SIM1: variants seen among roughly 807,000 people sequenced by gnomAD.
SIM1 encodes SIM bHLH transcription factor 1.
Under a neutral mutation model 78.2 loss-of-function variants are expected in SIM1, and 18 were observed. The observed-to-expected ratio is 0.23, with a 90% CI of 0.16 to 0.34. The LOEUF is 0.34. Among genes scored for constraint, SIM1 ranks in the 10% least tolerant of loss-of-function variants. The pLI is 1.00. For missense variants in SIM1, 939 were observed against 975.1 expected, an observed-to-expected ratio of 0.96 and a Z score of 0.49; for synonymous variants, 417 against 385.2, an observed-to-expected ratio of 1.08 and a Z score of -0.97.
rs940428299 is a variant in SIM1 at position 100,389,487 on chromosome 6, A to T, written c.*874T>A. 25 of 397,060 alleles carry T rather than the reference A, an allele frequency of 6.3e-5. No individual in the cohort carries two copies. The highest frequency in any genetic ancestry group is 1.3e-4 in the Admixed American group (3 of 22,698). The allele number at this position is 397,060 out of a possible 1,614,324, so 24.6% of individuals were successfully genotyped here. ...TAGTTGGTTTTACAAGCAAACCCCA[A>T]ATATGTTGTTTACTTATGCTGAGCC... is the stretch of plus-strand genomic sequence containing the variant. On this transcript the variant is annotated 3_prime_UTR_variant, in exon 12 of 12. Coordinates refer to ENST00000369208, the MANE Select transcript of SIM1 (RefSeq NM_005068.3).
intron 10 of SIM1, among the ~76,000 whole-genome samples, chr6:100,416,580 C>G (rs1307603774): frequency 6.6e-6 from 1 of 151,888 alleles, no homozygotes; most frequent in Non-Finnish European, 1.5e-5. Flanking sequence ...AAAAAGACTG[C>G]CATCTTATTT....
chr6:100,457,292 C>A (rs1012012646), intron 2 of SIM1, among the ~76,000 whole-genome samples: 1 of 152,190 alleles, frequency 6.6e-6, no homozygotes, highest in African/African-American at 2.4e-5. Context: ...TCCCGGGAAC[C>A]TTCACCTCCC....
At chr6:100,456,259 G>T (rs182570606) in intron 2 of SIM1, among the ~76,000 whole-genome samples, 48 of 152,318 alleles carry the variant, frequency 3.2e-4, no homozygotes, top group African/African-American at 1.1e-3. Flanking sequence ...TCGAAGTGGG[G>T]TAGAGACCTT....
chr6:100,455,672 C>A (rs953619643), intron 2 of SIM1, among the ~76,000 whole-genome samples: 3 of 152,208 alleles, frequency 2.0e-5, no homozygotes, highest in Admixed American at 1.3e-4. Flanking sequence ...AGGCCTTAAA[C>A]CCCAAAGATT....
rs58052031 is a variant in SIM1 at position 100,449,907 on chromosome 6, C to T, written c.349-208G>A. Among the ~76,000 whole-genome samples, 837 of 152,112 alleles carry T rather than the reference C, an allele frequency of 5.5e-3. 11 individuals carry two copies. Among genetic ancestry groups the T allele is most frequent in the African/African-American group, 0.019 (808 of 41,480 alleles). On this transcript the variant is annotated intron_variant, in intron 4 of 11. Transcript: ENST00000369208. ...CTTGTCTATATAATAATAAAAATAG[C>T]AGTAATAATGATGATAATAATAATA...
At chr6:100,444,807 A>G (rs1023827680) in intron 9 of SIM1, among the ~76,000 whole-genome samples, 2 of 152,190 alleles carry the variant, frequency 1.3e-5, no homozygotes, top group African/African-American at 4.8e-5. Flanking sequence ...CAACGAGCTT[A>G]TGAATGTTGC....
Position 100,389,916 on chromosome 6 carries a change from C to A in SIM1, c.*445G>T. 2.5e-6 allele frequency: 1 copy of A among 395,450 alleles called. No homozygotes were observed. Among genetic ancestry groups the A allele is most frequent in the Non-Finnish European group, 4.5e-6 (1 of 224,560 alleles). The allele number at this position is 395,450 out of a possible 1,614,324, so 24.5% of individuals were successfully genotyped here. On this transcript the variant is annotated 3_prime_UTR_variant, in exon 12 of 12. Transcript: ENST00000369208. ...GTTAAGAAGTTTAGTGTGACAGAGTCAAAGAAAATTACCCATTTTTGATGT... is the reference window on the plus strand; with the variant it reads ...GTTAAGAAGTTTAGTGTGACAGAGTAAAAGAAAATTACCCATTTTTGATGT...
intron 10 of SIM1, among the ~76,000 whole-genome samples, chr6:100,418,009 T>C (rs1227521820): frequency 2.0e-5 from 3 of 152,202 alleles, no homozygotes. Context: ...ATAAATCTTA[T>C]GTGGACATAT....
intron 10 of SIM1, among the ~76,000 whole-genome samples, chr6:100,397,826 C>A (rs987322408): frequency 1.3e-5 from 2 of 151,952 alleles, no homozygotes; most frequent in African/African-American, 4.8e-5. Flanking sequence ...CAAAAATCAA[C>A]AACAAGAACA....
intron 10 of SIM1, among the ~76,000 whole-genome samples, chr6:100,394,977 A>G (rs1474738621): frequency 2.6e-5 from 4 of 152,198 alleles, no homozygotes; most frequent in African/African-American, 9.7e-5. Flanking sequence ...ATAACAAGCC[A>G]CAGGCATTGC....
At chr6:100,433,505 CTCCTA>C (rs1197670895) in intron 9 of SIM1, among the ~76,000 whole-genome samples, 1 of 152,184 alleles carries the variant, frequency 6.6e-6, no homozygotes, top group African/African-American at 2.4e-5. Flanking sequence ...CTTAATTTTT[CTCCTA>C]TCACTTTCTG....
At chr6:100,457,552 A>G (rs1334650727) in intron 2 of SIM1, among the ~76,000 whole-genome samples, 1 of 152,212 alleles carries the variant, frequency 6.6e-6, no homozygotes, top group African/African-American at 2.4e-5. Flanking sequence ...CTAAATGTGT[A>G]CTGTGCAAGT....
intron 9 of SIM1, among the ~76,000 whole-genome samples, chr6:100,438,575 T>G (rs1328114688): frequency 6.6e-6 from 1 of 152,142 alleles, no homozygotes; most frequent in Non-Finnish European, 1.5e-5. Context: ...GAACTAACAG[T>G]AGAACTACCA....
chr6:100,400,036 A>G (rs1770868177), intron 10 of SIM1, among the ~76,000 whole-genome samples: 1 of 152,056 alleles, frequency 6.6e-6, no homozygotes, highest in Non-Finnish European at 1.5e-5. Context: ...TTATGTTGCT[A>G]AAAGCCAGAA....
chr6:100,407,441 CTGA>C (rs568467586), intron 10 of SIM1, among the ~76,000 whole-genome samples: 13 of 152,108 alleles, frequency 8.5e-5, no homozygotes, highest in Non-Finnish European at 1.8e-4. Flanking sequence ...TCTCAACATA[CTGA>C]TTTTTTTTTC....
intron 9 of SIM1, among the ~76,000 whole-genome samples, chr6:100,438,999 G>A (rs1772135746): frequency 6.6e-6 from 1 of 152,072 alleles, no homozygotes; most frequent in South Asian, 2.1e-4. Context: ...CTGCATATTG[G>A]CTACAGTGTA....
chr6:100,456,566 A>T (rs1450046118), intron 2 of SIM1, among the ~76,000 whole-genome samples: 1 of 152,246 alleles, frequency 6.6e-6, no homozygotes, highest in Non-Finnish European at 1.5e-5. Context: ...TTTTAGACAA[A>T]AGGATTTTCC....
intron 10 of SIM1, among the ~76,000 whole-genome samples, chr6:100,395,748 CT>C (rs1458975145): frequency 6.6e-6 from 1 of 152,148 alleles, no homozygotes. Context: ...AGTAAGAATC[CT>C]GGGTCTTCCC....
intron 9 of SIM1, among the ~76,000 whole-genome samples, chr6:100,425,919 G>A (rs1278834783): frequency 3.3e-5 from 5 of 152,132 alleles, no homozygotes; most frequent in Non-Finnish European, 5.9e-5. Flanking sequence ...TGACTTCTCT[G>A]ATTTTTCTAA....
Sources: gnomAD v4.1 joint callset for allele counts (sites outside exome capture counted in the v4.1 genomes callset) on GRCh38, gnomAD v4.1.1 for gene constraint, MANE v1.5 for transcripts, NCBI Gene and HGNC (gene_info 2026-07-23, HGNC 2026-07-21) for gene names.